RTN1: variants seen among roughly 807,000 people sequenced by gnomAD.
The protein encoded by RTN1 is reticulon-1.
A neutral mutation model predicts 65.5 loss-of-function variants in RTN1; 25 were observed. That is an observed-to-expected ratio of 0.38 (90% CI 0.28 to 0.53). RTN1 has a LOEUF of 0.53. RTN1 is among the 20% of genes least tolerant of loss of function. The pLI is 0.79. For missense variants in RTN1, 983 were observed against 1,025.4 expected (o/e 0.96, Z 0.57); for synonymous variants, 471 against 447.6 (o/e 1.05, Z -0.66).
Position 59,633,342 on chromosome 14 carries a change from T to C in RTN1, c.1766-25850A>G, listed in dbSNP as rs546803894. 3.9e-5 allele frequency among the ~76,000 whole-genome samples: 6 copies of C among 152,308 alleles called. No homozygotes were observed. The South Asian group carries it at 8.3e-4, about 21-fold the overall frequency. On this transcript the variant is annotated intron_variant, in intron 3 of 8. Transcript: ENST00000267484. ...ATAAATGAACTTATTCACGGAAAAC[T>C]AGGAATCACCTGTATTGTAAAAGTT...
chr14:59,784,969 T>G lies in RTN1; in HGVS notation c.242-38488A>C, dbSNP rs199766593. 1.7e-4 allele frequency among the ~76,000 whole-genome samples: 26 copies of G among 152,350 alleles called. No individual in the cohort carries two copies. The East Asian group carries it at 4.4e-3, about 26-fold the overall frequency. On this transcript the variant is annotated intron_variant, in intron 1 of 8. Coordinates refer to ENST00000267484, the MANE Select transcript of RTN1 (RefSeq NM_021136.3). ...TAATAACATAAAGGCTTCCTGAGCT[T>G]CTTGATAGCTTTGTATCTATCTAAA...
intron 3 of RTN1, among the ~76,000 whole-genome samples, chr14:59,641,347 C>A (rs868260838): frequency 6.6e-6 from 1 of 151,882 alleles, no homozygotes; most frequent in African/African-American, 2.4e-5. Context: ...ATAGTTTTAT[C>A]TTTTTGGACA....
intron 1 of RTN1, among the ~76,000 whole-genome samples, chr14:59,750,918 A>G (rs1222338878): frequency 2.0e-5 from 3 of 150,326 alleles, no homozygotes; most frequent in Admixed American, 6.8e-5. Context: ...TGGTCTCACT[A>G]TGTTGCCCAG....
intron 3 of RTN1, among the ~76,000 whole-genome samples, chr14:59,707,404 C>A (rs1383488427): frequency 6.6e-6 from 1 of 152,156 alleles, no homozygotes; most frequent in Admixed American, 6.5e-5. Context: ...TTTGAATTCA[C>A]AGCACTTGCC....
At chr14:59,724,174 A>ACCCTTC (rs1884707427) in intron 3 of RTN1, among the ~76,000 whole-genome samples, 1 of 152,154 alleles carries the variant, frequency 6.6e-6, no homozygotes, top group Non-Finnish European at 1.5e-5. Context: ...TACAAGGAGG[A>ACCCTTC]AAACTGAAGC....
At chr14:59,734,566 C>T (rs530726601) in intron 2 of RTN1, among the ~76,000 whole-genome samples, 2 of 152,254 alleles carry the variant, frequency 1.3e-5, no homozygotes, top group South Asian at 4.1e-4. Flanking sequence ...CTGAAAAACA[C>T]ACTACAAAAA....
At chr14:59,698,856 C>T (rs1343733860) in intron 3 of RTN1, among the ~76,000 whole-genome samples, 1 of 152,112 alleles carries the variant, frequency 6.6e-6, no homozygotes, top group Non-Finnish European at 1.5e-5. Flanking sequence ...TGTTTATGTG[C>T]CAGATAAATT....
At chr14:59,666,853 A>C (rs1883386870) in intron 3 of RTN1, among the ~76,000 whole-genome samples, 1 of 151,790 alleles carries the variant, frequency 6.6e-6, no homozygotes, top group African/African-American at 2.4e-5. Flanking sequence ...GAAATGGATA[A>C]ATTCCTGCAC....
intron 3 of RTN1, among the ~76,000 whole-genome samples, chr14:59,639,775 G>A (rs1338561016): frequency 2.0e-5 from 3 of 152,092 alleles, no homozygotes; most frequent in African/African-American, 7.2e-5. Flanking sequence ...TTTTTCTAAA[G>A]CTATTGAGAT....
Position 59,760,854 on chromosome 14 carries a change from C to G in RTN1, c.242-14373G>C, listed in dbSNP as rs1594729699. Among the ~76,000 whole-genome samples the G allele has an allele frequency of 2.0e-5, 3 of 152,286 alleles. No individual in the cohort carries two copies. In the South Asian group the frequency reaches 6.2e-4, roughly 32 times the overall value. ...TGTTTCCAGACTCATCGTGCTAGTT[C>G]CAACCAGAGAATACACTGTAGTTCA... On this transcript the variant is annotated intron_variant, in intron 1 of 8. Coordinates refer to ENST00000267484, the MANE Select transcript of RTN1 (RefSeq NM_021136.3).
At position 59,816,433 on chromosome 14, in the gene RTN1, A is replaced by C. The variant is rs1452295815; in HGVS notation, c.241+53957T>G. Among the ~76,000 whole-genome samples the C allele has an allele frequency of 6.6e-6, 1 of 152,230 alleles. No homozygotes were observed. Among genetic ancestry groups the C allele is most frequent in the Non-Finnish European group, 1.5e-5 (1 of 68,042 alleles). On this transcript the variant is annotated intron_variant, in intron 1 of 8. Transcript: ENST00000267484. The surrounding 1 kb of genome is among the most constrained non-coding windows in gnomAD (Gnocchi z 4.3). The stretch of plus-strand genomic sequence containing the variant: ...CTCCAATCCTCGGAGAGCTCCTAGG[A>C]AACAAGAATGGAATCCTCTTTAGCT...
In RTN1 at chr14:59,658,764, C is replaced by T. The variant is rs571045816; in HGVS notation, c.1766-51272G>A. ...CAAAGACCAAAGGTAGATGAATCCA[C>T]GAAGATGAGGAAAAACCAGCACAAA... On this transcript the variant is annotated intron_variant, in intron 3 of 8. Coordinates refer to ENST00000267484, the MANE Select transcript of RTN1 (RefSeq NM_021136.3). 1.1e-4 allele frequency among the ~76,000 whole-genome samples: 17 copies of T among 152,288 alleles called. No homozygotes were observed. In the South Asian group the frequency reaches 1.4e-3, roughly 13 times the overall value.
chr14:59,630,304 A>C (rs1203692497), intron 3 of RTN1: 1 of 966,880 alleles, frequency 1.0e-6, no homozygotes, highest in African/African-American at 1.6e-5. Context: ...TCTTGAAATA[A>C]GAGGTTTACT....
At chr14:59,749,106 A>ATC (rs1305015321) in intron 1 of RTN1, among the ~76,000 whole-genome samples, 21 of 53,128 alleles carry the variant, frequency 4.0e-4, no homozygotes, top group Middle Eastern at 8.8e-3. Flanking sequence ...ATATATCTAT[A>ATC]TATATATATA....
At chr14:59,710,319 T>G (rs1441174480) in intron 3 of RTN1, among the ~76,000 whole-genome samples, 5 of 152,190 alleles carry the variant, frequency 3.3e-5, no homozygotes, top group African/African-American at 1.2e-4. Context: ...TGAGCCACTG[T>G]TCCCAGCCAG....
Position 59,626,258 on chromosome 14 carries a change from A to G in RTN1, c.1766-18766T>C, listed in dbSNP as rs550585872. On this transcript the variant is annotated intron_variant, in intron 3 of 8. Coordinates refer to ENST00000267484, the MANE Select transcript of RTN1 (RefSeq NM_021136.3). ...CTCCTTTCAGAACAGACTATCCTGA[A>G]GTGTTTCCACGAACACTGTAGACCA... 9.5e-4 allele frequency among the ~76,000 whole-genome samples: 144 copies of G among 152,354 alleles called. 1 individual carries two copies. The highest frequency in any genetic ancestry group is 3.3e-3 in the South Asian group (16 of 4,828).
chr14:59,689,487 A>G (rs1883913510), intron 3 of RTN1, among the ~76,000 whole-genome samples: 1 of 152,234 alleles, frequency 6.6e-6, no homozygotes, highest in Non-Finnish European at 1.5e-5. Flanking sequence ...CAAGATAAAC[A>G]TCATGAAGGC....
intron 3 of RTN1, among the ~76,000 whole-genome samples, chr14:59,616,612 T>G (rs982232124): frequency 6.6e-6 from 1 of 152,222 alleles, no homozygotes; most frequent in Non-Finnish European, 1.5e-5. Flanking sequence ...TATTAATAAT[T>G]ATAATTGTTA....
In RTN1 at chr14:59,746,410, A is replaced by G. The variant is rs748061031; in HGVS notation, c.313T>C (p.Tyr105His). ...TTSKDGEGSC[Y>H]TSLISDICYP... ...CAGATGTCAGAAATGAGAGATGTGT[A>G]ACACGATCCTTCCCCATCTTTTGAT... is the stretch of plus-strand genomic sequence containing the variant. The change falls in exon 2 of 9, where the codon TAC (tyrosine) becomes CAC (histidine). Residue 105 changes from tyrosine to histidine, a missense_variant. By Grantham distance (83) the Tyr-to-His change is moderately conservative. Transcript: ENST00000267484. 2 of 1,613,748 alleles carry G rather than the reference A, an allele frequency of 1.2e-6. No homozygotes were observed. The highest frequency in any genetic ancestry group is 1.7e-6 in the Non-Finnish European group (2 of 1,179,806).
Sources: allele counts gnomAD v4.1 joint callset (sites outside exome capture counted in the v4.1 genomes callset), GRCh38; gene constraint gnomAD v4.1.1; non-coding constraint Gnocchi (gnomAD v3.1); transcripts MANE v1.5; gene names NCBI Gene and HGNC (gene_info 2026-07-23, HGNC 2026-07-21).